Variants in XG observed in about 807,000 individuals in gnomAD.
XG encodes the protein Xg glycoprotein (Xg blood group).
XG carries 24 observed loss-of-function variants against 25.7 expected under a neutral mutation model. That is an observed-to-expected ratio of 0.93 (90% CI 0.68 to 1.31). XG has a LOEUF of 1.31. XG is among the 40% of genes most tolerant of loss of function. The pLI is 0.00. For synonymous variants in XG, 77 were observed against 69.2 expected (o/e 1.11, Z -0.56); for missense variants, 181 against 187.6 (o/e 0.96, Z 0.21).
chrX:2,797,198 A>G, intron 6 of XG, 112 bp from the exon 7 acceptor site: 2 of 778,257 alleles, frequency 2.6e-6, no homozygotes, highest in Non-Finnish European at 3.8e-6. Flanking sequence ...TGGCAGTGAC[A>G]CGTTCACACG....
Position 2,793,232 on chromosome X carries a change from C to T in XG, c.254-1303C>T, listed in dbSNP as rs772736466. ...AACTCAATCAGCATGTTTCCTACCCCCTAGAGTGACAATGGTGCACATTAG... is the reference window on the plus strand; with the variant it reads ...AACTCAATCAGCATGTTTCCTACCCTCTAGAGTGACAATGGTGCACATTAG... On this transcript the variant is annotated intron_variant, in intron 5 of 10. Coordinates refer to ENST00000644266, the MANE Select transcript of XG (RefSeq NM_001141919.2). 6.3e-5 allele frequency among the ~76,000 whole-genome samples: 7 copies of T among 111,850 alleles called. No homozygotes were observed. In the South Asian group the frequency reaches 2.2e-3, roughly 36 times the overall value.
chrX:2,782,026 A>G (rs1204037184), intron 3 of XG, 40 bp from the exon 4 acceptor site: 2 of 1,187,624 alleles, frequency 1.7e-6, no homozygotes, highest in East Asian at 3.0e-5. Context: ...AGGGAAGGAC[A>G]ATTTTCTTTT....
chrX:2,772,553 G>T lies in XG; in HGVS notation c.103+1962G>T, dbSNP rs1388574727. ...TGGATTAGCGATTGTTGGGCTGGAA[G>T]AGGGGACAAAAGGGAGGGACTGCTC... On this transcript the variant is annotated intron_variant, in intron 2 of 10. Transcript: ENST00000644266. 3.3e-5 allele frequency among the ~76,000 whole-genome samples: 5 copies of T among 152,186 alleles called. No individual in the cohort carries two copies. The East Asian group carries it at 9.6e-4, about 29-fold the overall frequency.
intron 7 of XG, among the ~76,000 whole-genome samples, chrX:2,803,343 A>T (rs1249299625): frequency 1.8e-5 from 2 of 110,809 alleles, no homozygotes; most frequent in African/African-American, 6.6e-5. Flanking sequence ...TTTTGTAGAG[A>T]TGGGGTCTCA....
At chrX:2,753,836 A>G (rs1262735927) in intron 1 of XG, among the ~76,000 whole-genome samples, 3 of 152,098 alleles carry the variant, frequency 2.0e-5, no homozygotes, top group Non-Finnish European at 2.9e-5. Flanking sequence ...CCGGCCTCCC[A>G]AAGTGCTGGG....
In XG at chrX:2,816,100, A is replaced by G. The variant is rs1183230456; in HGVS notation, c.*1720A>G. 1 of 112,038 alleles carries G rather than the reference A, an allele frequency of 8.9e-6. No homozygotes were observed. Among genetic ancestry groups the G allele is most frequent in the Non-Finnish European group, 1.9e-5 (1 of 53,226 alleles). 9.2% of individuals were successfully genotyped at this position (112,038 alleles called of 1,213,427 possible). On this transcript the variant is annotated 3_prime_UTR_variant, in exon 11 of 11. Coordinates refer to ENST00000644266, the MANE Select transcript of XG (RefSeq NM_001141919.2). ...ATATGAAATACATAGTTACCTAATC[A>G]TGAGACTAAATTCACCTGGGTGACA...
intron 4 of XG, among the ~76,000 whole-genome samples, chrX:2,784,077 CCT>C (rs746014158): frequency 3.6e-5 from 4 of 111,708 alleles, no homozygotes; most frequent in Non-Finnish European, 7.5e-5. Flanking sequence ...CTTTTTTCCC[CCT>C]CTTTCATGAT....
chrX:2,792,921 G>GT (rs1256484004), intron 5 of XG, among the ~76,000 whole-genome samples: 52 of 106,301 alleles, frequency 4.9e-4, no homozygotes, highest in Admixed American at 1.2e-3. Context: ...TTTTATACTT[G>GT]TTTTTTTTTT....
In XG at chrX:2,794,471, G is replaced by A. The variant is rs2086864965; in HGVS notation, c.254-64G>A. 10 of 1,150,230 alleles carry A rather than the reference G, an allele frequency of 8.7e-6. No individual in the cohort carries two copies. The South Asian group carries it at 2.0e-4, about 23-fold the overall frequency. The allele number at this position is 1,150,230 out of a possible 1,213,427, so 94.8% of individuals were successfully genotyped here. A position where few individuals can be genotyped will look rare whatever the true frequency, so the allele number is the denominator to read the frequency against. On this transcript the variant is annotated intron_variant, in intron 5 of 10. Transcript: ENST00000644266. Reference sequence around the variant, plus strand: ...AACCTGTGCCAGTGCCCCCAGCGCAGACCTGGTGTGAAGGGGACCTTTGGA... The same window carrying A: ...AACCTGTGCCAGTGCCCCCAGCGCAAACCTGGTGTGAAGGGGACCTTTGGA...
chrX:2,781,023 G>A (rs2051108069), intron 3 of XG, among the ~76,000 whole-genome samples: 1 of 151,980 alleles, frequency 6.6e-6, no homozygotes, highest in Non-Finnish European at 1.5e-5. Context: ...TCCCTTCACA[G>A]TGTATGAGTG....
intron 4 of XG, among the ~76,000 whole-genome samples, chrX:2,784,798 G>A (rs2086768951): frequency 2.7e-5 from 3 of 111,595 alleles, no homozygotes; most frequent in South Asian, 3.8e-4. Context: ...CTTCCTTTCC[G>A]ACTTTGGTTT....
chrX:2,807,303 T>G (rs1372579556), intron 8 of XG, among the ~76,000 whole-genome samples: 2 of 113,321 alleles, frequency 1.8e-5, no homozygotes, highest in Non-Finnish European at 3.7e-5. Flanking sequence ...TGCAAGCACA[T>G]GTGTGCATGT....
chrX:2,814,656 T>C lies in XG; in HGVS notation c.*276T>C. ...TTCATTTGCACAAAGAGACTGTGGC[T>C]CTCTGTTGTGAGATCTTCAGCTACC... On this transcript the variant is annotated 3_prime_UTR_variant, in exon 11 of 11. Coordinates refer to ENST00000644266, the MANE Select transcript of XG (RefSeq NM_001141919.2). 1 of 309,727 alleles carries C rather than the reference T, an allele frequency of 3.2e-6. No individual in the cohort carries two copies. Among genetic ancestry groups the C allele is most frequent in the African/African-American group, 2.7e-5 (1 of 37,544 alleles). 25.5% of individuals were successfully genotyped at this position (309,727 alleles called of 1,213,427 possible). A position where few individuals can be genotyped will look rare whatever the true frequency, so the allele number is the denominator to read the frequency against.
chrX:2,791,040 G>A (rs767138056), intron 5 of XG, among the ~76,000 whole-genome samples: 31 of 108,860 alleles, frequency 2.8e-4, no homozygotes, highest in Non-Finnish European at 5.0e-4. Flanking sequence ...TTATGATGGA[G>A]GAAGGCAATT....
chrX:2,793,153 C>T (rs1182658548), intron 5 of XG, among the ~76,000 whole-genome samples: 3 of 111,408 alleles, frequency 2.7e-5, no homozygotes, highest in Non-Finnish European at 3.8e-5. Flanking sequence ...ATCCTCCCGC[C>T]TCCACCTCCC....
chrX:2,782,641 C>T (rs182955203), intron 4 of XG, among the ~76,000 whole-genome samples: 129 of 110,818 alleles, frequency 1.2e-3, no homozygotes, highest in Admixed American at 1.6e-3. Flanking sequence ...GGGTGGATGG[C>T]GGACCTGGTT....
Position 2,816,302 on chromosome X carries a change from A to C in XG, c.*1922A>C. ...AACGTCATCTCCATGTAATTTAGAG[A>C]AGGATAACCTTGACTGTACAGCTGA... On this transcript the variant is annotated 3_prime_UTR_variant, in exon 11 of 11. Transcript: ENST00000644266. The C allele has an allele frequency of 8.9e-6, 1 of 111,830 alleles. No homozygotes were observed. The highest frequency in any genetic ancestry group is 1.9e-5 in the Non-Finnish European group (1 of 53,172). 9.2% of individuals were successfully genotyped at this position (111,830 alleles called of 1,213,427 possible). A position where few individuals can be genotyped will look rare whatever the true frequency, so the allele number is the denominator to read the frequency against.
chrX:2,782,129 G>A lies in XG; in HGVS notation c.190+1G>A. 1 of 1,211,508 alleles carries A rather than the reference G, an allele frequency of 8.3e-7. No individual in the cohort carries two copies. Among genetic ancestry groups the A allele is most frequent in the African/African-American group, 1.7e-5 (1 of 57,919 alleles). On this transcript the variant is annotated splice_donor_variant, in intron 4 of 10. Coordinates refer to ENST00000644266, the MANE Select transcript of XG (RefSeq NM_001141919.2). LOFTEE classifies it high-confidence loss of function. ...CCCGAGAATCCCGACAGCGGTGGAA[G>A]TAAGAATCCGCAGGCCTGAAACTCT...
Position 2,789,683 on chromosome X carries a change from C to G in XG, c.230C>G (p.Pro77Arg), listed in dbSNP as rs780869046. 6.1e-6 allele frequency: 7 copies of G among 1,150,352 alleles called. No homozygotes were observed. Among genetic ancestry groups the G allele is most frequent in the Non-Finnish European group, 8.1e-6 (7 of 862,712 alleles). The allele number at this position is 1,150,352 out of a possible 1,213,427, so 94.8% of individuals were successfully genotyped here. Residue 77 changes from proline (P) to arginine (R), a missense_variant, in exon 5 of 11, where the codon CCT becomes CGT. Coordinates refer to ENST00000644266, the MANE Select transcript of XG (RefSeq NM_001141919.2). ...PRPKPRPQPQPGNSGNSGGYF... is the reference protein window; with the variant it reads ...PRPKPRPQPQRGNSGNSGGYF... ...CCAAAGCCACGCCCTCAACCCCAGC[C>G]TGGCAATTCCGGCAACAGTGGAGGT...
Sources: gnomAD v4.1 joint callset for allele counts (sites outside exome capture counted in the v4.1 genomes callset) on GRCh38, gnomAD v4.1.1 for gene constraint, MANE v1.5 for transcripts, NCBI Gene and HGNC (gene_info 2026-07-23, HGNC 2026-07-21) for gene names.